Variants in TMEM132C observed in about 807,000 individuals in gnomAD.
TMEM132C encodes the protein transmembrane protein 132C, also known as protein phosphatase 1, regulatory subunit 152.
Under a neutral mutation model 61.4 loss-of-function variants are expected in TMEM132C, and 29 were observed. That is an observed-to-expected ratio of 0.47 (90% CI 0.35 to 0.64). The LOEUF (loss-of-function observed/expected upper bound fraction) is 0.64. Ranked by LOEUF, TMEM132C falls within the 30% of genes least tolerant of loss-of-function variation. The pLI, the probability that TMEM132C is intolerant of heterozygous loss-of-function variation, is 0.00. For synonymous variants in TMEM132C, 656 were observed against 633.1 expected (o/e 1.04, Z -0.54); for missense variants, 1,408 against 1,476.9 (o/e 0.95, Z 0.76).
At position 128,541,217 on chromosome 12, in the gene TMEM132C, T is replaced by A. The variant is rs936191656; in HGVS notation, c.975-2740T>A. On this transcript the variant is annotated intron_variant, in intron 2 of 8. Coordinates refer to ENST00000435159, the MANE Select transcript of TMEM132C (RefSeq NM_001136103.3). Reference sequence around the variant, plus strand: ...ATGAGGAAACATGTAGGACAGGGTATAGGGGAAGGAGTATGAAGCTTCCTT... The same window carrying A: ...ATGAGGAAACATGTAGGACAGGGTAAAGGGGAAGGAGTATGAAGCTTCCTT... Among the ~76,000 whole-genome samples, 8 of 152,314 alleles carry A rather than the reference T, an allele frequency of 5.3e-5. No individual in the cohort carries two copies. In the East Asian group the frequency reaches 1.5e-3, roughly 29 times the overall value.
intron 3 of TMEM132C, among the ~76,000 whole-genome samples, chr12:128,602,795 C>T (rs1876243930): frequency 6.6e-6 from 1 of 152,216 alleles, no homozygotes; most frequent in Non-Finnish European, 1.5e-5. Flanking sequence ...ATTAGGGTGG[C>T]TTCCTCTGAG....
At chr12:128,579,513 T>C (rs538912145) in intron 3 of TMEM132C, among the ~76,000 whole-genome samples, 2 of 152,322 alleles carry the variant, frequency 1.3e-5, no homozygotes, top group South Asian at 4.1e-4. Flanking sequence ...ATTTGGAAGA[T>C]AATGCAATTT....
At chr12:128,613,792 A>G (rs985767422) in intron 3 of TMEM132C, among the ~76,000 whole-genome samples, 23 of 152,306 alleles carry the variant, frequency 1.5e-4, no homozygotes, top group African/African-American at 5.5e-4. Flanking sequence ...CTGGCTGTCA[A>G]TCAAGCCCTG....
intron 1 of TMEM132C, among the ~76,000 whole-genome samples, chr12:128,334,370 G>T (rs59618971): frequency 3.3e-5 from 5 of 152,198 alleles, no homozygotes; most frequent in African/African-American, 1.2e-4. Context: ...CAGCTCCGGG[G>T]CCCGTGTGCA....
chr12:128,471,169 C>G (rs1047029497), intron 2 of TMEM132C, among the ~76,000 whole-genome samples: 1 of 152,182 alleles, frequency 6.6e-6, no homozygotes, highest in East Asian at 1.9e-4. Context: ...TCTCCAGATA[C>G]TCCAGAAGTA....
intron 2 of TMEM132C, chr12:128,438,252 TC>T (rs1869666033): frequency 6.6e-6 from 1 of 152,006 alleles, no homozygotes; most frequent in Non-Finnish European, 1.5e-5. Flanking sequence ...GGTGTTTGGG[TC>T]ATGGGGGTAG....
At chr12:128,494,726 A>T (rs1871878513) in intron 2 of TMEM132C, among the ~76,000 whole-genome samples, 1 of 150,778 alleles carries the variant, frequency 6.6e-6, no homozygotes, top group South Asian at 2.1e-4. Flanking sequence ...CATCTATTTG[A>T]TTCTTCTCTC....
At chr12:128,424,695 T>G (rs1480390798) in intron 2 of TMEM132C, among the ~76,000 whole-genome samples, 1 of 152,240 alleles carries the variant, frequency 6.6e-6, no homozygotes, top group Non-Finnish European at 1.5e-5. Flanking sequence ...AAATACTGAA[T>G]TGTATACTTG....
intron 4 of TMEM132C, among the ~76,000 whole-genome samples, chr12:128,665,621 G>GTGCA (rs1555241552): frequency 5.0e-5 from 6 of 120,186 alleles, no homozygotes; most frequent in Non-Finnish European, 1.1e-4. Context: ...CCAAACACAG[G>GTGCA]CACACACACA....
chr12:128,323,544 T>C (rs1872404364), intron 1 of TMEM132C, among the ~76,000 whole-genome samples: 1 of 152,222 alleles, frequency 6.6e-6, no homozygotes, highest in African/African-American at 2.4e-5. Context: ...AGGCGAATCT[T>C]TGCTGTGATA....
intron 5 of TMEM132C, among the ~76,000 whole-genome samples, chr12:128,674,861 A>G (rs1388396863): frequency 6.9e-6 from 1 of 145,426 alleles, no homozygotes; most frequent in Non-Finnish European, 1.5e-5. Context: ...CCCAAAGTCC[A>G]TTGTATCATT....
At chr12:128,629,833 G>A (rs1448109203) in intron 4 of TMEM132C, among the ~76,000 whole-genome samples, 3 of 152,032 alleles carry the variant, frequency 2.0e-5, no homozygotes, top group Non-Finnish European at 2.9e-5. Flanking sequence ...GGGCGTGGTG[G>A]TGCACACCTG....
At position 128,267,244 on chromosome 12, in the gene TMEM132C, C is replaced by A. The variant is rs1870334200; in HGVS notation, c.-159C>A. ...AGAGCCAGAGCCGGAGCTGCGGCGG[C>A]GTGGACCCGGCAGGGGCGGGCCTCG... On this transcript the variant is annotated 5_prime_UTR_variant, in exon 1 of 9. Transcript: ENST00000435159. Among the ~76,000 whole-genome samples, 1 of 146,950 alleles carries A rather than the reference C, an allele frequency of 6.8e-6. No homozygotes were observed. The highest frequency in any genetic ancestry group is 1.5e-5 in the Non-Finnish European group (1 of 66,058).
At chr12:128,636,421 G>A (rs982218437) in intron 4 of TMEM132C, among the ~76,000 whole-genome samples, 3 of 152,084 alleles carry the variant, frequency 2.0e-5, no homozygotes, top group African/African-American at 4.8e-5. Flanking sequence ...CATGTTTAAT[G>A]TACACAATTT....
In TMEM132C at chr12:128,487,938, A is replaced by G. The variant is rs531224687; in HGVS notation, c.975-56019A>G. Among the ~76,000 whole-genome samples the G allele has an allele frequency of 2.0e-3, 297 of 152,226 alleles. 1 individual carries two copies. The highest frequency in any genetic ancestry group is 6.6e-3 in the African/African-American group (274 of 41,526). On this transcript the variant is annotated intron_variant, in intron 2 of 8. Coordinates refer to ENST00000435159, the MANE Select transcript of TMEM132C (RefSeq NM_001136103.3). ...CTTCCATTAAAATTAATTAAAACCA[A>G]ACTTCAAAACACAGTTCTTCCATTG...
chr12:128,521,083 AT>A (rs371925031), intron 2 of TMEM132C, among the ~76,000 whole-genome samples: 272 of 152,210 alleles, frequency 1.8e-3, no homozygotes, highest in African/African-American at 6.4e-3. Context: ...TCTTTCTTTA[AT>A]TCTTACACTG....
At chr12:128,340,847 C>CTCTTTCTT (rs57873919) in intron 1 of TMEM132C, among the ~76,000 whole-genome samples, 1 of 142,038 alleles carries the variant, frequency 7.0e-6, no homozygotes, top group African/African-American at 2.7e-5. Context: ...CTCTCTTTCT[C>CTCTTTCTT]TCTTTCTTTC....
intron 4 of TMEM132C, among the ~76,000 whole-genome samples, chr12:128,626,937 C>G (rs1411496414): frequency 6.6e-6 from 1 of 152,216 alleles, no homozygotes; most frequent in Non-Finnish European, 1.5e-5. Context: ...CACTGCCACC[C>G]CAGCCTGCCG....
intron 2 of TMEM132C, among the ~76,000 whole-genome samples, chr12:128,473,334 T>G (rs61940032): frequency 0.073 from 162 of 2,222 alleles, 5 homozygotes; most frequent in South Asian, 0.096. Flanking sequence ...TCATCTTCAG[T>G]CCAGCCTCCT....
Sources: allele counts gnomAD v4.1 joint callset (sites outside exome capture counted in the v4.1 genomes callset), GRCh38; gene constraint gnomAD v4.1.1; transcripts MANE v1.5; gene names NCBI Gene and HGNC (gene_info 2026-07-23, HGNC 2026-07-21).